Variants in RAD51B observed in about 807,000 individuals in gnomAD.
The protein encoded by RAD51B is RAD51 paralog B.
RAD51B carries 38 observed loss-of-function variants against 42.2 expected under a neutral mutation model. That is an observed-to-expected ratio of 0.90 (90% CI 0.70 to 1.18). The LOEUF (loss-of-function observed/expected upper bound fraction) is 1.18, where lower values mean the gene tolerates loss of function less well. Ranked by LOEUF, RAD51B falls within the 50% of genes most tolerant of loss-of-function variation. The pLI is 0.00. For synonymous variants in RAD51B, 154 were observed against 145.2 expected, an observed-to-expected ratio of 1.06 and a Z score of -0.43; for missense variants, 373 against 400.7, an observed-to-expected ratio of 0.93 and a Z score of 0.59.
intron 10 of RAD51B, among the ~76,000 whole-genome samples, chr14:68,549,636 G>C (rs571056075): frequency 2.0e-3 from 308 of 150,546 alleles, no homozygotes; most frequent in Middle Eastern, 3.4e-3. Flanking sequence ...GGATGGTCTC[G>C]ATCTCCTGAC....
chr14:68,330,224 G>A (rs937949396), intron 8 of RAD51B, among the ~76,000 whole-genome samples: 1 of 152,096 alleles, frequency 6.6e-6, no homozygotes, highest in Admixed American at 6.5e-5. Flanking sequence ...ATGATTAAAA[G>A]CATGGAAAAT....
At chr14:68,585,384 A>T (rs1033760599) in intron 10 of RAD51B, among the ~76,000 whole-genome samples, 1 of 152,162 alleles carries the variant, frequency 6.6e-6, no homozygotes, top group Non-Finnish European at 1.5e-5. Flanking sequence ...CCATTGTGGA[A>T]GTGCAGAGAG....
chr14:68,568,782 C>T (rs115034849), intron 10 of RAD51B, among the ~76,000 whole-genome samples: 6,474 of 152,250 alleles, frequency 0.043, 169 homozygotes, highest in African/African-American at 0.066. Context: ...CTTCTTCTTC[C>T]TCGTCCTCCC....
intron 8 of RAD51B, among the ~76,000 whole-genome samples, chr14:68,389,589 A>C (rs1327184656): frequency 1.3e-5 from 2 of 152,186 alleles, no homozygotes; most frequent in Non-Finnish European, 2.9e-5. Flanking sequence ...CCAAAATTAG[A>C]CCATAGTGTG....
chr14:68,560,661 G>A (rs558372073), intron 10 of RAD51B, among the ~76,000 whole-genome samples: 37 of 152,120 alleles, frequency 2.4e-4, no homozygotes, highest in African/African-American at 7.0e-4. Flanking sequence ...AGTTGAACCC[G>A]GGAGGCGGAG....
At chr14:68,368,057 A>G (rs185770440) in intron 8 of RAD51B, among the ~76,000 whole-genome samples, 317 of 152,280 alleles carry the variant, frequency 2.1e-3, no homozygotes, top group Non-Finnish European at 3.6e-3. Context: ...CTGTTTATGT[A>G]TTGCTGAATC....
intron 5 of RAD51B, among the ~76,000 whole-genome samples, chr14:67,875,402 C>T (rs979436273): frequency 1.3e-5 from 2 of 152,164 alleles, no homozygotes; most frequent in Non-Finnish European, 2.9e-5. Context: ...ATCTTTAACA[C>T]CTAGCAAACT....
intron 7 of RAD51B, among the ~76,000 whole-genome samples, chr14:68,183,750 C>A (rs1379694745): frequency 6.6e-6 from 1 of 151,964 alleles, no homozygotes; most frequent in Non-Finnish European, 1.5e-5. Flanking sequence ...GAGTTTGAGA[C>A]CAGCCTGCGC....
At chr14:67,851,042 T>C (rs537014219) in intron 4 of RAD51B, among the ~76,000 whole-genome samples, 1 of 152,282 alleles carries the variant, frequency 6.6e-6, no homozygotes, top group South Asian at 2.1e-4. Flanking sequence ...TGCTCTCCAA[T>C]GTGATGACTC....
intron 8 of RAD51B, among the ~76,000 whole-genome samples, chr14:68,354,027 A>G (rs1377954332): frequency 1.3e-5 from 2 of 152,182 alleles, no homozygotes; most frequent in African/African-American, 4.8e-5. Flanking sequence ...CATGAAACAA[A>G]GACATTTTAG....
intron 9 of RAD51B, among the ~76,000 whole-genome samples, chr14:68,434,760 C>A (rs1257528893): frequency 6.6e-6 from 1 of 152,186 alleles, no homozygotes; most frequent in African/African-American, 2.4e-5. Context: ...CCTGCACCCA[C>A]TGTCTGACAA....
intron 4 of RAD51B, among the ~76,000 whole-genome samples, chr14:67,858,783 T>C (rs994024989): frequency 5.3e-5 from 8 of 152,364 alleles, no homozygotes; most frequent in African/African-American, 1.9e-4. Flanking sequence ...CCTATCTGCC[T>C]AGGCATTTCA....
chr14:68,033,117 G>A (rs961500256), intron 7 of RAD51B, among the ~76,000 whole-genome samples: 1 of 152,152 alleles, frequency 6.6e-6, no homozygotes, highest in Non-Finnish European at 1.5e-5. Flanking sequence ...CCAGAAGGCA[G>A]GAGCCATGTC....
At chr14:68,338,979 A>T (rs2082515201) in intron 8 of RAD51B, 1 of 657,106 alleles carries the variant, frequency 1.5e-6, no homozygotes. Context: ...CCCCTTGATA[A>T]TGCAGTAAGG....
downstream of RAD51B, among the ~76,000 whole-genome samples, chr14:68,481,517 C>T (rs1184382016): frequency 6.6e-6 from 1 of 152,194 alleles, no homozygotes; most frequent in Non-Finnish European, 1.5e-5. Flanking sequence ...AACCATGCTG[C>T]AGGGACAGGA....
intron 7 of RAD51B, among the ~76,000 whole-genome samples, chr14:67,946,066 T>C (rs1302451029): frequency 6.6e-6 from 1 of 152,172 alleles, no homozygotes; most frequent in Non-Finnish European, 1.5e-5. Flanking sequence ...TTAAGAACTG[T>C]AATCTTGAGA....
intron 10 of RAD51B, among the ~76,000 whole-genome samples, chr14:68,618,119 C>G (rs1891862944): frequency 6.6e-6 from 1 of 152,160 alleles, no homozygotes; most frequent in African/African-American, 2.4e-5. Flanking sequence ...GCAATGGAGA[C>G]AGAGGCAAAA....
chr14:68,563,215 C>T (rs1429399358), intron 10 of RAD51B: 13 of 985,304 alleles, frequency 1.3e-5, no homozygotes, highest in African/African-American at 1.7e-5. Context: ...CAGTTTTCTC[C>T]TCCGTCTCTC....
At chr14:68,179,208 G>T (rs2079014098) in intron 7 of RAD51B, among the ~76,000 whole-genome samples, 2 of 152,122 alleles carry the variant, frequency 1.3e-5, no homozygotes, top group South Asian at 4.1e-4. Flanking sequence ...TTTCCTTGCT[G>T]CGCTAGTATG....
Sources: allele counts gnomAD v4.1 joint callset (sites outside exome capture counted in the v4.1 genomes callset), GRCh38; gene constraint gnomAD v4.1.1; transcripts MANE v1.5; gene names NCBI Gene and HGNC (gene_info 2026-07-23, HGNC 2026-07-21).